The following MKKS variants were observed in gnomAD, a reference collection of about 807,000 sequenced individuals.
MKKS encodes the protein MKKS centrosomal shuttling protein.
MKKS carries 29 observed loss-of-function variants against 33.2 expected under a neutral mutation model. That is an observed-to-expected ratio of 0.87 (90% CI 0.65 to 1.19). MKKS has a LOEUF of 1.19. Ranked by LOEUF, MKKS falls within the 50% of genes most tolerant of loss-of-function variation. The pLI is 0.00. For missense variants in MKKS, 661 were observed against 662.3 expected (o/e 1.00, Z 0.02); for synonymous variants, 260 against 244.0 (o/e 1.07, Z -0.61).
chr20:10,433,781 G>A (rs193080102), intron 1 of MKKS, among the ~76,000 whole-genome samples: 12 of 152,264 alleles, frequency 7.9e-5, no homozygotes, highest in African/African-American at 2.6e-4. Flanking sequence ...GGGAGGGGAC[G>A]GGGAGTCACA....
chr20:10,412,747 T>G lies in MKKS; in HGVS notation c.768A>C (p.Gly256=). Residue 256 remains glycine, a synonymous_variant, in exon 3 of 6, where the codon GGA becomes GGC. Transcript: ENST00000347364. ...CATAACTGACCACCACAGTTCCTTC[T>G]CCAGTGTCAGAAGTGTCTCCGGATA... ...TTLSGDTSDT[G]EGTVVVSYGV... 6.2e-7 allele frequency: 1 copy of G among 1,614,134 alleles called. No homozygotes were observed. Among genetic ancestry groups the G allele is most frequent in the Non-Finnish European group, 8.5e-7 (1 of 1,180,018 alleles).
chr20:10,413,813 T>C lies in MKKS; in HGVS notation c.-299A>G. 1 of 524,640 alleles carries C rather than the reference T, an allele frequency of 1.9e-6. No individual in the cohort carries two copies. The highest frequency in any genetic ancestry group is 3.4e-6 in the Non-Finnish European group (1 of 298,138). The allele number at this position is 524,640 out of a possible 1,614,324, so 32.5% of individuals were successfully genotyped here. A position where few individuals can be genotyped will look rare whatever the true frequency, so the allele number is the denominator to read the frequency against. ...TTGCAGACCTCTGCAAAAAGTATGT[T>C]CCAAGATGGACACCTATGAAAGATA... On this transcript the variant is annotated 5_prime_UTR_variant, in exon 3 of 6. Transcript: ENST00000347364.
At chr20:10,426,185 C>T (rs1293452011) in intron 1 of MKKS, among the ~76,000 whole-genome samples, 1 of 152,194 alleles carries the variant, frequency 6.6e-6, no homozygotes, top group Non-Finnish European at 1.5e-5. Flanking sequence ...AGATTACTGT[C>T]AGTTAACTGT....
rs74315397 is a variant in MKKS at position 10,412,723 on chromosome 20, A to G, written c.792T>C (p.Tyr264=). The G allele has an allele frequency of 5.9e-5, 96 of 1,614,062 alleles. No homozygotes were observed. The highest frequency in any genetic ancestry group is 7.5e-5 in the Non-Finnish European group (88 of 1,180,026). Residue 264 remains tyrosine, a synonymous_variant, in exon 3 of 6, where the codon TAT becomes TAC. Coordinates refer to ENST00000347364, the MANE Select transcript of MKKS (RefSeq NM_170784.3). ...AGACTGCATTTTCAAGAGAAACCCC[A>G]TAACTGACCACCACAGTTCCTTCTC... is the stretch of plus-strand genomic sequence containing the variant. ...DTGEGTVVVS[Y]GVSLENAVLD... is the part of the protein sequence containing the mutation.
Position 10,407,660 on chromosome 20 carries a change from C to T in MKKS, c.1228G>A (p.Gly410Ser), listed in dbSNP as rs1034236611. 1.2e-6 allele frequency: 2 copies of T among 1,613,910 alleles called. No individual in the cohort carries two copies. Among genetic ancestry groups the T allele is most frequent in the East Asian group, 4.5e-5 (2 of 44,872 alleles). The change falls in exon 5 of 6, where the codon GGT (glycine) becomes AGT (serine). Residue 410 changes from glycine (G) to serine (S), a missense_variant. By Grantham distance (56) the Gly-to-Ser change is moderately conservative. Coordinates refer to ENST00000347364, the MANE Select transcript of MKKS (RefSeq NM_170784.3). Reference sequence around the variant, plus strand: ...GCCAAATGAGTTTCAGTACAGCCACCTCCCAACAAAGCCCATGGTTCCTTG... The same window carrying T: ...GCCAAATGAGTTTCAGTACAGCCACTTCCCAACAAAGCCCATGGTTCCTTG... ...TLKEPWALLG[G>S]GCTETHLAAY...
intron 3 of MKKS, among the ~76,000 whole-genome samples, chr20:10,411,575 GAC>G (rs2064887724): frequency 6.6e-6 from 1 of 152,140 alleles, no homozygotes; most frequent in Admixed American, 6.5e-5. Flanking sequence ...CTCTACTTTT[GAC>G]AGTCATTTGA....
At chr20:10,423,993 G>GA (rs2064998074) in intron 1 of MKKS, among the ~76,000 whole-genome samples, 1 of 152,162 alleles carries the variant, frequency 6.6e-6, no homozygotes, top group Non-Finnish European at 1.5e-5. Flanking sequence ...GCTAATGGGG[G>GA]TGAGAGAGCA....
At chr20:10,433,952 G>A (rs1335179376) in intron 1 of MKKS, among the ~76,000 whole-genome samples, 156 bp downstream of exon 1, 1 of 152,206 alleles carries the variant, frequency 6.6e-6, no homozygotes, top group Non-Finnish European at 1.5e-5. Context: ...GCCTCCTACA[G>A]AGAGCCAGCC....
chr20:10,407,681 C>G lies in MKKS; in HGVS notation c.1207G>C (p.Glu403Gln). 1 of 1,614,032 alleles carries G rather than the reference C, an allele frequency of 6.2e-7. No individual in the cohort carries two copies. The highest frequency in any genetic ancestry group is 8.5e-7 in the Non-Finnish European group (1 of 1,179,942). Residue 403 changes from glutamate (E) to glutamine (Q), a missense_variant, in exon 5 of 6, where the codon GAA becomes CAA. Transcript: ENST00000347364. ...CCACCTCCCAACAAAGCCCATGGTT[C>G]CTTGAGTGTTAACTGCAGGACATGC... ...ALHVLQLTLK[E>Q]PWALLGGGCT...
Position 10,413,667 on chromosome 20 carries a change from T to C in MKKS, c.-153A>G. The C allele has an allele frequency of 1.3e-6, 1 of 792,520 alleles. No homozygotes were observed. The highest frequency in any genetic ancestry group is 1.7e-5 in the African/African-American group (1 of 57,460). The allele number at this position is 792,520 out of a possible 1,614,324, so 49.1% of individuals were successfully genotyped here. A position where few individuals can be genotyped will look rare whatever the true frequency, so the allele number is the denominator to read the frequency against. ...GTGGCTATAAAATCAAAAAGTTCAA[T>C]GTTTATGAAGCTAATCAGCATAGAA... On this transcript the variant is annotated 5_prime_UTR_variant, in exon 3 of 6. Transcript: ENST00000347364.
chr20:10,423,893 G>A (rs891970555), intron 1 of MKKS, among the ~76,000 whole-genome samples: 1 of 152,148 alleles, frequency 6.6e-6, no homozygotes. Context: ...AAATGATGTA[G>A]ACTGATTTAA....
chr20:10,430,733 G>A (rs770253681), intron 1 of MKKS, among the ~76,000 whole-genome samples: 2 of 152,222 alleles, frequency 1.3e-5, no homozygotes, highest in Non-Finnish European at 2.9e-5. Flanking sequence ...TAAAGTGAGA[G>A]CCAGGAAAGC....
intron 1 of MKKS, among the ~76,000 whole-genome samples, chr20:10,429,901 G>C (rs2065042466): frequency 6.6e-6 from 1 of 152,180 alleles, no homozygotes; most frequent in South Asian, 2.1e-4. Flanking sequence ...AGAAACTCTA[G>C]GGTGGGGTCC....
intron 1 of MKKS, among the ~76,000 whole-genome samples, chr20:10,432,938 G>C (rs1600864289): frequency 6.6e-6 from 1 of 152,166 alleles, no homozygotes; most frequent in Non-Finnish European, 1.5e-5. Flanking sequence ...GCAGTGTTTA[G>C]GGAATGACAA....
chr20:10,417,191 C>T (rs1271278291), intron 2 of MKKS, among the ~76,000 whole-genome samples: 1 of 147,284 alleles, frequency 6.8e-6, no homozygotes, highest in Admixed American at 6.9e-5. Context: ...GCAGAGGTTG[C>T]AGTGAGCCGA....
At chr20:10,427,321 C>T (rs900384361) in intron 1 of MKKS, among the ~76,000 whole-genome samples, 4 of 152,014 alleles carry the variant, frequency 2.6e-5, no homozygotes, top group Admixed American at 1.3e-4. Context: ...CAGTGTAAAA[C>T]GGATTCTTTT....
At chr20:10,406,284 A>G (rs965980841) in intron 5 of MKKS, among the ~76,000 whole-genome samples, 12 of 152,206 alleles carry the variant, frequency 7.9e-5, no homozygotes, top group Non-Finnish European at 1.6e-4. Flanking sequence ...TTCCATGATA[A>G]AAAGAAAAAT....
At chr20:10,406,858 T>C (rs1316958727) in intron 5 of MKKS, among the ~76,000 whole-genome samples, 1 of 152,236 alleles carries the variant, frequency 6.6e-6, no homozygotes, top group Non-Finnish European at 1.5e-5. Flanking sequence ...TGAATGTGCT[T>C]TATCTTCAAA....
intron 4 of MKKS, among the ~76,000 whole-genome samples, chr20:10,408,179 A>C (rs1342700090): frequency 5.9e-5 from 9 of 152,236 alleles, no homozygotes; most frequent in Non-Finnish European, 1.3e-4. Context: ...ATCCTTGAGC[A>C]TACATGAATC....
Sources: allele counts gnomAD v4.1 joint callset (sites outside exome capture counted in the v4.1 genomes callset), GRCh38; gene constraint gnomAD v4.1.1; transcripts MANE v1.5; gene names NCBI Gene and HGNC (gene_info 2026-07-23, HGNC 2026-07-21).